Variants in HMCN1 observed in about 807,000 individuals in gnomAD.
HMCN1 encodes hemicentin-1.
In HMCN1, 321 loss-of-function variants were observed where a neutral mutation model predicts 625.9. That is an observed-to-expected ratio of 0.51 (90% CI 0.47 to 0.56). The LOEUF (loss-of-function observed/expected upper bound fraction) is 0.56, where lower values mean the gene tolerates loss of function less well. Ranked by LOEUF, HMCN1 falls within the 20% of genes least tolerant of loss-of-function variation. The probability of loss-of-function intolerance (pLI) is 0.00; values close to 1 mark genes in which losing one functional copy is unlikely to be tolerated. For synonymous variants in HMCN1, 2,425 were observed against 2,417.6 expected, an observed-to-expected ratio of 1.00 and a Z score of -0.09; for missense variants, 6,588 against 6,887.3, an observed-to-expected ratio of 0.96 and a Z score of 1.54.
At chr1:185,913,124 C>CT (rs781604314) in intron 6 of HMCN1, among the ~76,000 whole-genome samples, 4 of 152,062 alleles carry the variant, frequency 2.6e-5, no homozygotes, top group Non-Finnish European at 5.9e-5. Flanking sequence ...TCTCAGAACT[C>CT]TAAGCCCTGT....
chr1:186,064,836 A>G (rs1319334062), intron 48 of HMCN1, among the ~76,000 whole-genome samples: 1 of 150,300 alleles, frequency 6.7e-6, no homozygotes, highest in Admixed American at 6.6e-5. Context: ...AAAGTATATG[A>G]ATACAAAGCT....
intron 1 of HMCN1, among the ~76,000 whole-genome samples, chr1:185,810,934 AGT>A (rs2102245117): frequency 6.6e-6 from 1 of 152,312 alleles, no homozygotes; most frequent in African/African-American, 2.4e-5. Context: ...AGCAAAGAAC[AGT>A]GTCAAAAATC....
In HMCN1 at chr1:185,738,115, AC is replaced by A. The variant is rs1653720692; in HGVS notation, c.268+3069del. Reference sequence around the variant, plus strand: ...AGATGGATTTTCCACTTTCACAATCACACTTAATGTATTTATTTTTAATGGT... The same window carrying A: ...AGATGGATTTTCCACTTTCACAATCAACTTAATGTATTTATTTTTAATGGT... On this transcript the variant is annotated intron_variant, in intron 1 of 106. Transcript: ENST00000271588. Among the ~76,000 whole-genome samples the A allele has an allele frequency of 2.6e-5, 4 of 152,206 alleles. No homozygotes were observed. In the South Asian group the frequency reaches 6.2e-4, roughly 24 times the overall value.
chr1:186,121,729 G>T (rs1661409026), intron 80 of HMCN1, among the ~76,000 whole-genome samples: 1 of 152,136 alleles, frequency 6.6e-6, no homozygotes, highest in Non-Finnish European at 1.5e-5. Context: ...TATAGTCAAA[G>T]ATAAAAATTT....
intron 11 of HMCN1, among the ~76,000 whole-genome samples, chr1:185,947,777 A>T (rs937044739): frequency 6.6e-6 from 1 of 152,234 alleles, no homozygotes; most frequent in African/African-American, 2.4e-5. Flanking sequence ...AAAAGTTAAA[A>T]ATGTTTAAAT....
At chr1:185,819,582 T>G (rs748883108) in intron 1 of HMCN1, among the ~76,000 whole-genome samples, 1 of 152,172 alleles carries the variant, frequency 6.6e-6, no homozygotes, top group African/African-American at 2.4e-5. Context: ...TGGCCAGTTA[T>G]TCTTGCGGTC....
intron 15 of HMCN1, among the ~76,000 whole-genome samples, chr1:185,972,779 C>T (rs1558107237): frequency 6.6e-6 from 1 of 152,114 alleles, no homozygotes; most frequent in African/African-American, 2.4e-5. Context: ...GCTACCTTGG[C>T]TGCCTACCTA....
intron 1 of HMCN1, among the ~76,000 whole-genome samples, chr1:185,824,980 T>C (rs1660422854): frequency 6.6e-6 from 1 of 152,176 alleles, no homozygotes; most frequent in Non-Finnish European, 1.5e-5. Context: ...TGATATCTAA[T>C]GATTACTATA....
At chr1:186,141,312 T>C (rs1439847876) in intron 89 of HMCN1, among the ~76,000 whole-genome samples, 1 of 151,880 alleles carries the variant, frequency 6.6e-6, no homozygotes. Flanking sequence ...TACACTGTCA[T>C]TATTTATCAT....
rs1198067285 is a variant in HMCN1, at chr1:185,909,488, T to C, written c.773T>C (p.Ile258Thr). 7 of 1,613,460 alleles carry C rather than the reference T, an allele frequency of 4.3e-6. No individual in the cohort carries two copies. The highest frequency in any genetic ancestry group is 1.1e-5 in the South Asian group (1 of 91,070). The change falls in exon 5 of 107, where the codon ATT becomes ACT. Residue 258 changes from isoleucine (I) to threonine (T), a missense_variant. This residue lies in a region of HMCN1 where 4,628 missense variants were observed against 4,853.1 expected (regional missense o/e 0.95). Coordinates refer to ENST00000271588, the MANE Select transcript of HMCN1 (RefSeq NM_031935.3). ...TCTTTGAGTGGGCCTTCTCCAATGA[T>C]TGAAATTCGCAATCCTTTAGGTGAG... is the stretch of plus-strand genomic sequence containing the variant. ...TVSLSGPSPM[I>T]EIRNPLGKLI...
chr1:186,185,636 T>C (rs10489751), intron 105 of HMCN1, among the ~76,000 whole-genome samples: 4,253 of 152,376 alleles, frequency 0.028, 154 homozygotes, highest in Admixed American at 0.099. Flanking sequence ...TTGTGGAGAC[T>C]GTTATTGTTT....
rs753115471 is a variant in HMCN1, at chr1:185,923,660, C to T, written c.1285+7C>T. ...TTTTCTAGTATTGTCCCAGGTGAGA[C>T]ATCATTTTATTCAACATTGAAATAT... On this transcript the variant is annotated splice_region_variant and intron_variant, in intron 8 of 106. Coordinates refer to ENST00000271588, the MANE Select transcript of HMCN1 (RefSeq NM_031935.3). The T allele has an allele frequency of 3.0e-5, 48 of 1,593,918 alleles. No individual in the cohort carries two copies. Among genetic ancestry groups the T allele is most frequent in the Middle Eastern group, 1.7e-4 (1 of 6,014 alleles).
At chr1:185,892,564 C>T (rs1179188020) in intron 4 of HMCN1, among the ~76,000 whole-genome samples, 1 of 152,222 alleles carries the variant, frequency 6.6e-6, no homozygotes, top group Non-Finnish European at 1.5e-5. Context: ...GTTGGAGTAC[C>T]CAGCAGTGTG....
intron 1 of HMCN1, among the ~76,000 whole-genome samples, chr1:185,833,212 C>T (rs991066220): frequency 2.0e-5 from 3 of 152,126 alleles, no homozygotes; most frequent in Non-Finnish European, 4.4e-5. Context: ...TGATAATGTT[C>T]GATTCTATTC....
Position 186,144,521 on chromosome 1 carries a change from C to T in HMCN1, c.14096-12C>T. The T allele has an allele frequency of 6.2e-7, 1 of 1,614,054 alleles. No individual in the cohort carries two copies. Among genetic ancestry groups the T allele is most frequent in the African/African-American group, 1.3e-5 (1 of 75,024 alleles). ...GTAGTAAGAAAGCATGTACCTTTTT[C>T]CCTTATTCCAGTTCATGGCAAGTGG... On this transcript the variant is annotated splice_polypyrimidine_tract_variant and intron_variant, in intron 90 of 106. Coordinates refer to ENST00000271588, the MANE Select transcript of HMCN1 (RefSeq NM_031935.3).
intron 48 of HMCN1, among the ~76,000 whole-genome samples, chr1:186,063,644 C>G (rs1049246791): frequency 1.3e-5 from 2 of 151,876 alleles, no homozygotes; most frequent in South Asian, 4.2e-4. Flanking sequence ...CCTTCCTTTT[C>G]TTTTCCTTTT....
intron 1 of HMCN1, among the ~76,000 whole-genome samples, chr1:185,763,129 C>T (rs1022925824): frequency 1.3e-5 from 2 of 152,068 alleles, no homozygotes; most frequent in African/African-American, 4.8e-5. Flanking sequence ...TTGATCATGC[C>T]TGGAGAGATT....
chr1:185,951,633 G>A (rs963499463), intron 11 of HMCN1, among the ~76,000 whole-genome samples: 1 of 151,738 alleles, frequency 6.6e-6, no homozygotes, highest in African/African-American at 2.4e-5. Flanking sequence ...AGGGGCTCTG[G>A]GAGTGGCTGC....
rs1656745326 is a variant in HMCN1, at chr1:186,048,749, G to A, written c.6487G>A (p.Asp2163Asn). ...SENRSVLKIEDAQVQDTGRYT... is the reference protein window; with the variant it reads ...SENRSVLKIENAQVQDTGRYT... ...AGGATGATTTTGTTTTCAGATTGAA[G>A]ATGCTCAGGTTCAAGACACTGGTCG... is the stretch of plus-strand genomic sequence containing the variant. The change falls in exon 42 of 107, where the codon GAT (aspartate) becomes AAT (asparagine). Residue 2163 changes from aspartate to asparagine, a missense_variant. Physicochemically the swap from Asp to Asn is conservative, Grantham distance 23. Coordinates refer to ENST00000271588, the MANE Select transcript of HMCN1 (RefSeq NM_031935.3). 6.2e-7 allele frequency: 1 copy of A among 1,603,918 alleles called. No homozygotes were observed. The highest frequency in any genetic ancestry group is 8.5e-7 in the Non-Finnish European group (1 of 1,171,238).
Sources: allele counts gnomAD v4.1 joint callset (sites outside exome capture counted in the v4.1 genomes callset), GRCh38; gene constraint gnomAD v4.1.1; regional missense constraint gnomAD v4.1.1; transcripts MANE v1.5; gene names NCBI Gene and HGNC (gene_info 2026-07-23, HGNC 2026-07-21).